ENPP6: variants seen among roughly 807,000 people sequenced by gnomAD.
The protein encoded by ENPP6 is glycerophosphocholine cholinephosphodiesterase ENPP6.
ENPP6 carries 32 observed loss-of-function variants against 42.0 expected under a neutral mutation model. The ratio of observed to expected loss-of-function variants is 0.76; its 90% CI spans 0.58 to 1.02. ENPP6 has a LOEUF of 1.02. Ranked by LOEUF, ENPP6 falls within the 50% of genes least tolerant of loss-of-function variation. The probability of loss-of-function intolerance (pLI) is 0.00; values close to 1 mark genes in which losing one functional copy is unlikely to be tolerated. For missense variants in ENPP6, 552 were observed against 566.8 expected (o/e 0.97, Z 0.27); for synonymous variants, 213 against 216.0 (o/e 0.99, Z 0.12).
chr4:184,099,062 C>A lies in ENPP6; in HGVS notation c.994-1694G>T, dbSNP rs544193787. 2.1e-4 allele frequency among the ~76,000 whole-genome samples: 32 copies of A among 152,308 alleles called. No individual in the cohort carries two copies. In the East Asian group the frequency reaches 6.2e-3, roughly 29 times the overall value. The stretch of plus-strand genomic sequence containing the variant: ...ATCCCAGTGGGGATGATACCATTTG[C>A]CCCATTTTGTAGTTGAAGGGACTAA... On this transcript the variant is annotated intron_variant, in intron 6 of 7. Coordinates refer to ENST00000296741, the MANE Select transcript of ENPP6 (RefSeq NM_153343.4).
intron 1 of ENPP6, among the ~76,000 whole-genome samples, chr4:184,207,889 C>T (rs1311073697): frequency 6.6e-6 from 1 of 152,206 alleles, no homozygotes; most frequent in Non-Finnish European, 1.5e-5. Context: ...CCCTCTCCAC[C>T]GCCTGCGAGG....
In ENPP6 at chr4:184,124,142, T is replaced by C. The variant is rs987110871; in HGVS notation, c.533+19A>G. Reference sequence around the variant, plus strand: ...GAAACAAGGAAGAAAATGGTGTGGCTAGAGTTTGGGACACTTACTTGAAGG... The same window carrying C: ...GAAACAAGGAAGAAAATGGTGTGGCCAGAGTTTGGGACACTTACTTGAAGG... On this transcript the variant is annotated intron_variant, in intron 3 of 7. Transcript: ENST00000296741. The C allele has an allele frequency of 2.5e-6, 4 of 1,587,064 alleles. No homozygotes were observed. Among genetic ancestry groups the C allele is most frequent in the Non-Finnish European group, 3.5e-6 (4 of 1,155,770 alleles).
intron 5 of ENPP6, among the ~76,000 whole-genome samples, chr4:184,115,511 C>A (rs890018066): frequency 1.3e-4 from 20 of 152,182 alleles, no homozygotes; most frequent in African/African-American, 4.6e-4. Context: ...GGGAGCAGAG[C>A]TTTGTCCCCC....
At chr4:184,112,526 G>T in intron 6 of ENPP6, 146 bp downstream of exon 6, 1 of 1,040,560 alleles carries the variant, frequency 9.6e-7, no homozygotes, top group Non-Finnish European at 1.3e-6. Flanking sequence ...CAAGACTTTT[G>T]ATTCTCTAAA....
rs142031501 is a variant in ENPP6, at chr4:184,165,231, G to C, written c.242-11498C>G. Among the ~76,000 whole-genome samples, 1,299 of 152,300 alleles carry C rather than the reference G, an allele frequency of 8.5e-3. 21 individuals are homozygous for C. Among genetic ancestry groups the C allele is most frequent in the Middle Eastern group, 0.037 (11 of 294 alleles). On this transcript the variant is annotated intron_variant, in intron 1 of 7. Coordinates refer to ENST00000296741, the MANE Select transcript of ENPP6 (RefSeq NM_153343.4). ...TTCCCAGTCCTTGGCCAACTCCTTT[G>C]TATCTGGAACTAAATGCTTTACATT...
chr4:184,089,084 T>C lies in ENPP6; in HGVS notation c.*2093A>G, dbSNP rs1396974992. ...CCGTCCTTTAAGGAGAAAGAAACTT[T>C]GAACAATAGACGTCTTTTTCAACAA... On this transcript the variant is annotated 3_prime_UTR_variant, in exon 8 of 8. Transcript: ENST00000296741. 6.6e-6 allele frequency: 1 copy of C among 152,210 alleles called. No homozygotes were observed. Among genetic ancestry groups the C allele is most frequent in the Non-Finnish European group, 1.5e-5 (1 of 68,036 alleles). 9.4% of individuals were successfully genotyped at this position (152,210 alleles called of 1,614,324 possible).
At chr4:184,109,928 C>T (rs535489146) in intron 6 of ENPP6, among the ~76,000 whole-genome samples, 2 of 152,062 alleles carry the variant, frequency 1.3e-5, no homozygotes, top group South Asian at 2.1e-4. Context: ...GCTGATTTGT[C>T]GGTTTCCTAC....
chr4:184,167,337 A>C (rs1737365883), intron 1 of ENPP6, among the ~76,000 whole-genome samples: 1 of 152,170 alleles, frequency 6.6e-6, no homozygotes, highest in Non-Finnish European at 1.5e-5. Context: ...CTGGTCTCAA[A>C]CTACTGACTT....
At chr4:184,121,006 G>A (rs1736407018) in intron 3 of ENPP6, among the ~76,000 whole-genome samples, 1 of 152,164 alleles carries the variant, frequency 6.6e-6, no homozygotes, top group Non-Finnish European at 1.5e-5. Flanking sequence ...CTCCACCACT[G>A]GCTGGCTTGT....
chr4:184,187,763 A>G (rs1732656351), intron 1 of ENPP6, among the ~76,000 whole-genome samples: 1 of 152,166 alleles, frequency 6.6e-6, no homozygotes, highest in African/African-American at 2.4e-5. Context: ...AAATTTCAGG[A>G]GGGTAGAAAC....
intron 1 of ENPP6, among the ~76,000 whole-genome samples, chr4:184,159,512 G>A (rs931855187): frequency 2.6e-5 from 4 of 152,236 alleles, no homozygotes; most frequent in African/African-American, 9.6e-5. Context: ...AGTCCTAGTG[G>A]ACTGAGGACT....
At chr4:184,192,694 A>G (rs1732726938) in intron 1 of ENPP6, among the ~76,000 whole-genome samples, 1 of 152,258 alleles carries the variant, frequency 6.6e-6, no homozygotes, top group Non-Finnish European at 1.5e-5. Context: ...CATGCCAATC[A>G]TATATCCCAT....
chr4:184,136,420 G>C (rs7680786), intron 2 of ENPP6, among the ~76,000 whole-genome samples: 6,724 of 152,004 alleles, frequency 0.044, 470 homozygotes, highest in African/African-American at 0.14. Flanking sequence ...TACACACTCA[G>C]CCTTTCTATT....
chr4:184,199,310 G>C (rs867851976), intron 1 of ENPP6, among the ~76,000 whole-genome samples: 3 of 152,194 alleles, frequency 2.0e-5, no homozygotes, highest in Non-Finnish European at 2.9e-5. Flanking sequence ...TCAGGAGTCT[G>C]GGCTGCCAGG....
intron 1 of ENPP6, among the ~76,000 whole-genome samples, chr4:184,204,703 C>T (rs1461986643): frequency 6.6e-6 from 1 of 152,200 alleles, no homozygotes; most frequent in Non-Finnish European, 1.5e-5. Context: ...CTGACTCCAA[C>T]CTTATAATCA....
chr4:184,107,466 G>A (rs1379213564), intron 6 of ENPP6, among the ~76,000 whole-genome samples: 1 of 152,238 alleles, frequency 6.6e-6, no homozygotes, highest in African/African-American at 2.4e-5. Flanking sequence ...GAGGCAAACT[G>A]GGGGCCCTTG....
intron 6 of ENPP6, among the ~76,000 whole-genome samples, chr4:184,112,108 G>A (rs974808909): frequency 3.9e-5 from 6 of 152,126 alleles, no homozygotes; most frequent in Admixed American, 2.6e-4. Context: ...CCTCCCCACC[G>A]TGGCCTGATA....
chr4:184,172,186 G>A (rs1258110968), intron 1 of ENPP6, among the ~76,000 whole-genome samples: 3 of 152,170 alleles, frequency 2.0e-5, no homozygotes, highest in African/African-American at 7.2e-5. Context: ...AGAGCCCAGT[G>A]ATGTGGCGCA....
chr4:184,210,736 C>G (rs1308079181), intron 1 of ENPP6, among the ~76,000 whole-genome samples: 1 of 150,512 alleles, frequency 6.6e-6, no homozygotes, highest in Non-Finnish European at 1.5e-5. Flanking sequence ...ACCAAGCGGA[C>G]CTAATAGACA....
Sources: gnomAD v4.1 joint callset for allele counts (sites outside exome capture counted in the v4.1 genomes callset) on GRCh38, gnomAD v4.1.1 for gene constraint, MANE v1.5 for transcripts, NCBI Gene and HGNC (gene_info 2026-07-23, HGNC 2026-07-21) for gene names.